The following PSD3 variants were observed in gnomAD, a reference collection of about 807,000 sequenced individuals.
The protein encoded by PSD3 is PH and SEC7 domain-containing protein 3.
In PSD3, 49 loss-of-function variants were observed where a neutral mutation model predicts 105.5. The observed-to-expected ratio is 0.46, with a 90% CI of 0.37 to 0.59. The LOEUF (loss-of-function observed/expected upper bound fraction) is 0.59. Among genes scored for constraint, PSD3 ranks in the 20% least tolerant of loss-of-function variants. PSD3 has a pLI of 0.00. For missense variants in PSD3, 1,561 were observed against 1,263.8 expected, an observed-to-expected ratio of 1.24 and a Z score of -3.57; for synonymous variants, 557 against 457.8, an observed-to-expected ratio of 1.22 and a Z score of -2.77.
chr8:18,681,087 A>G (rs1162780445), intron 9 of PSD3, among the ~76,000 whole-genome samples: 1 of 152,212 alleles, frequency 6.6e-6, no homozygotes, highest in African/African-American at 2.4e-5. Context: ...TGACAAGGAG[A>G]AGCAATTATT....
At chr8:18,574,871 G>A (rs1367807508) in intron 13 of PSD3, among the ~76,000 whole-genome samples, 1 of 152,106 alleles carries the variant, frequency 6.6e-6, no homozygotes, top group Non-Finnish European at 1.5e-5. Flanking sequence ...TTATTGATGA[G>A]GATACTGAAT....
At chr8:18,676,872 T>C (rs1315385897) in intron 9 of PSD3, among the ~76,000 whole-genome samples, 1 of 152,210 alleles carries the variant, frequency 6.6e-6, no homozygotes, top group African/African-American at 2.4e-5. Context: ...AAGCCCTGAT[T>C]TGAAAGCCTC....
chr8:18,771,479 C>G, intron 8 of PSD3, among the ~76,000 whole-genome samples: 1 of 152,272 alleles, frequency 6.6e-6, no homozygotes, highest in Non-Finnish European at 1.5e-5. Flanking sequence ...AGCATTAGCT[C>G]TTATATTTAG....
At chr8:18,846,821 G>C (rs1457881034) in intron 4 of PSD3, among the ~76,000 whole-genome samples, 1 of 152,044 alleles carries the variant, frequency 6.6e-6, no homozygotes, top group African/African-American at 2.4e-5. Context: ...GATTATGGCA[G>C]GTTGGTGCTG....
At chr8:18,813,999 C>A (rs1811983080) in intron 4 of PSD3, among the ~76,000 whole-genome samples, 2 of 152,286 alleles carry the variant, frequency 1.3e-5, no homozygotes, top group South Asian at 4.1e-4. Context: ...AATCTCCATA[C>A]AAATGTTAGT....
intron 2 of PSD3, among the ~76,000 whole-genome samples, chr8:18,926,089 T>C (rs1821342526): frequency 6.6e-6 from 1 of 151,000 alleles, no homozygotes; most frequent in South Asian, 2.1e-4. Context: ...ACATTTATTT[T>C]TTCACCATAT....
intron 4 of PSD3, among the ~76,000 whole-genome samples, chr8:18,852,269 C>G (rs1450270519): frequency 6.6e-6 from 1 of 152,098 alleles, no homozygotes. Context: ...GACCAGGAAA[C>G]TCAGACCAGG....
chr8:18,887,443 T>C (rs1349051509), intron 2 of PSD3, among the ~76,000 whole-genome samples: 3 of 152,202 alleles, frequency 2.0e-5, no homozygotes. Flanking sequence ...TATGAAGCCA[T>C]AAACTTTTAT....
chr8:18,901,141 A>G (rs1375692996), intron 2 of PSD3, among the ~76,000 whole-genome samples: 3 of 152,218 alleles, frequency 2.0e-5, no homozygotes, highest in African/African-American at 7.2e-5. Context: ...CATATATTTT[A>G]TGAATTCATG....
chr8:18,965,020 A>C (rs1374106311), intron 1 of PSD3, among the ~76,000 whole-genome samples: 1 of 152,222 alleles, frequency 6.6e-6, no homozygotes, highest in Non-Finnish European at 1.5e-5. Context: ...AAAAAGGTTC[A>C]TTCATGTTAA....
intron 12 of PSD3, among the ~76,000 whole-genome samples, chr8:18,583,999 G>A (rs1802990300): frequency 6.6e-6 from 1 of 152,006 alleles, no homozygotes. Flanking sequence ...AGCTGATACT[G>A]GATACTTAAG....
intron 12 of PSD3, among the ~76,000 whole-genome samples, chr8:18,594,661 T>G (rs2130532710): frequency 6.6e-6 from 1 of 151,280 alleles, no homozygotes; most frequent in African/African-American, 2.4e-5. Flanking sequence ...GGGAGATTTG[T>G]TCTAGGACCC....
intron 4 of PSD3, among the ~76,000 whole-genome samples, chr8:18,846,746 CA>C (rs1408876461): frequency 3.3e-5 from 5 of 152,308 alleles, no homozygotes; most frequent in Non-Finnish European, 7.3e-5. Flanking sequence ...CGACTGGTCT[CA>C]ACTCCCTTTG....
intron 9 of PSD3, among the ~76,000 whole-genome samples, chr8:18,742,918 C>A (rs1045177896): frequency 6.6e-6 from 1 of 152,198 alleles, no homozygotes; most frequent in Non-Finnish European, 1.5e-5. Flanking sequence ...TTTCAGAGAA[C>A]TGTAGACATC....
intron 1 of PSD3, among the ~76,000 whole-genome samples, chr8:18,952,990 T>C (rs1288010301): frequency 6.6e-6 from 1 of 152,150 alleles, no homozygotes; most frequent in African/African-American, 2.4e-5. Flanking sequence ...ATCTGCAACA[T>C]ATATTTAAAT....
chr8:18,875,599 C>T (rs190389325), intron 2 of PSD3, among the ~76,000 whole-genome samples: 13 of 151,870 alleles, frequency 8.6e-5, no homozygotes, highest in Non-Finnish European at 1.6e-4. Flanking sequence ...TGCAGTGGCG[C>T]GATCTCGGCT....
At chr8:18,595,749 G>C (rs537848297) in intron 12 of PSD3, among the ~76,000 whole-genome samples, 3 of 151,898 alleles carry the variant, frequency 2.0e-5, no homozygotes, top group Non-Finnish European at 2.9e-5. Flanking sequence ...CTATCATCAA[G>C]GCACGTAAAT....
chr8:19,078,482 A>T (rs1415303919), intron 1 of PSD3, among the ~76,000 whole-genome samples: 3 of 152,058 alleles, frequency 2.0e-5, no homozygotes, highest in African/African-American at 7.2e-5. Context: ...ATCACTTTCC[A>T]CTCTCAGCTG....
At chr8:18,691,732 A>G (rs2130995848) in intron 9 of PSD3, among the ~76,000 whole-genome samples, 1 of 152,318 alleles carries the variant, frequency 6.6e-6, no homozygotes, top group South Asian at 2.1e-4. Context: ...CAACTCAACA[A>G]ATATTCCCCA....
Sources: allele counts gnomAD v4.1 joint callset (sites outside exome capture counted in the v4.1 genomes callset), GRCh38; gene constraint gnomAD v4.1.1; transcripts MANE v1.5; gene names NCBI Gene and HGNC (gene_info 2026-07-23, HGNC 2026-07-21).